GRM7: variants seen among roughly 807,000 people sequenced by gnomAD.
GRM7 encodes the protein metabotropic glutamate receptor 7.
Under a neutral mutation model 84.5 loss-of-function variants are expected in GRM7, and 35 were observed. The ratio of observed to expected loss-of-function variants is 0.41; its 90% CI spans 0.32 to 0.55. The LOEUF (loss-of-function observed/expected upper bound fraction) is 0.55, where lower values mean the gene tolerates loss of function less well. Ranked by LOEUF, GRM7 falls within the 20% of genes least tolerant of loss-of-function variation. The pLI is 0.19. For missense variants in GRM7, 1,003 were observed against 1,194.6 expected (o/e 0.84, Z 2.36); for synonymous variants, 487 against 455.1 (o/e 1.07, Z -0.89).
intron 2 of GRM7, among the ~76,000 whole-genome samples, chr3:7,223,314 C>G (rs922356947): frequency 9.2e-5 from 14 of 151,868 alleles, no homozygotes; most frequent in African/African-American, 3.1e-4. Context: ...CTTTTTCCCC[C>G]TGAATGCTGA....
chr3:7,240,359 A>T (rs1200939110), intron 2 of GRM7, among the ~76,000 whole-genome samples: 1 of 151,812 alleles, frequency 6.6e-6, no homozygotes, highest in Non-Finnish European at 1.5e-5. Context: ...TTTTTTAATC[A>T]GAAATCTCCT....
At chr3:7,111,788 A>T (rs1263991627) in intron 1 of GRM7, among the ~76,000 whole-genome samples, 1 of 152,154 alleles carries the variant, frequency 6.6e-6, no homozygotes, top group Non-Finnish European at 1.5e-5. Flanking sequence ...TTTTGGGAAA[A>T]AATCATTTCT....
chr3:7,261,342 T>C (rs1698414886), intron 2 of GRM7, among the ~76,000 whole-genome samples: 1 of 152,222 alleles, frequency 6.6e-6, no homozygotes, highest in Non-Finnish European at 1.5e-5. Context: ...AGTCTTGGTT[T>C]CTATTTTTAT....
intron 9 of GRM7, among the ~76,000 whole-genome samples, chr3:7,701,364 G>A (rs940016693): frequency 2.8e-5 from 4 of 140,768 alleles, no homozygotes; most frequent in South Asian, 2.3e-4. Flanking sequence ...GCAGTGGCAC[G>A]ATCTCGGCTC....
At chr3:7,626,475 T>A (rs1469892590) in intron 8 of GRM7, among the ~76,000 whole-genome samples, 1 of 152,168 alleles carries the variant, frequency 6.6e-6, no homozygotes, top group Non-Finnish European at 1.5e-5. Flanking sequence ...CAGAAATGTA[T>A]TTTCTCACAG....
intron 2 of GRM7, among the ~76,000 whole-genome samples, chr3:7,265,506 T>C: frequency 6.6e-6 from 1 of 152,186 alleles, no homozygotes; most frequent in Non-Finnish European, 1.5e-5. Context: ...GAGAGAGGAC[T>C]GTAAGTGATG....
At chr3:7,566,483 A>T (rs2125041359) in intron 7 of GRM7, among the ~76,000 whole-genome samples, 1 of 152,334 alleles carries the variant, frequency 6.6e-6, no homozygotes, top group East Asian at 1.9e-4. Flanking sequence ...TTTCAAATGT[A>T]TTTGATAATT....
intron 9 of GRM7, among the ~76,000 whole-genome samples, chr3:7,708,650 G>C (rs1426874698): frequency 1.3e-5 from 2 of 152,088 alleles, no homozygotes; most frequent in Non-Finnish European, 2.9e-5. Context: ...GAGTTTTCCA[G>C]GAAGAGGGAC....
At chr3:7,175,528 A>C (rs2125091890) in intron 2 of GRM7, among the ~76,000 whole-genome samples, 1 of 152,274 alleles carries the variant, frequency 6.6e-6, no homozygotes, top group East Asian at 1.9e-4. Context: ...AATCAACTTG[A>C]AAATTTGCTT....
chr3:7,401,195 C>T lies in GRM7; in HGVS notation c.1034-13828C>T, dbSNP rs183397393. 1.8e-3 allele frequency among the ~76,000 whole-genome samples: 275 copies of T among 152,108 alleles called. 1 individual carries two copies. Among genetic ancestry groups the T allele is most frequent in the South Asian group, 2.7e-3 (13 of 4,816 alleles). ...AAATGTATATGACGAAGAAGCAATC[C>T]CTGGTGACTAAAATGAGATTGCATT... On this transcript the variant is annotated intron_variant, in intron 4 of 9. Coordinates refer to ENST00000357716, the MANE Select transcript of GRM7 (RefSeq NM_000844.4).
At chr3:7,434,595 A>G (rs1161897822) in intron 5 of GRM7, among the ~76,000 whole-genome samples, 1 of 152,208 alleles carries the variant, frequency 6.6e-6, no homozygotes. Flanking sequence ...CACAAAGTAT[A>G]TTGATTCATT....
intron 2 of GRM7, among the ~76,000 whole-genome samples, chr3:7,152,622 C>T (rs957425636): frequency 6.6e-6 from 1 of 152,196 alleles, no homozygotes; most frequent in Admixed American, 6.5e-5. Context: ...GGACTACCAG[C>T]TAACTTCAAT....
intron 1 of GRM7, among the ~76,000 whole-genome samples, chr3:7,081,778 T>C (rs538151941): frequency 6.6e-6 from 1 of 152,248 alleles, no homozygotes; most frequent in Non-Finnish European, 1.5e-5. Flanking sequence ...TAAGTGAAAC[T>C]GCTTTATTGC....
intron 1 of GRM7, among the ~76,000 whole-genome samples, chr3:7,099,332 CAT>C (rs1263853922): frequency 1.0e-4 from 15 of 146,680 alleles, no homozygotes; most frequent in African/African-American, 3.8e-4. Context: ...TATATGTACA[CAT>C]GTATTATACA....
rs542815647 is a variant in GRM7 at position 6,976,577 on chromosome 3, A to T, written c.519+114670A>T. On this transcript the variant is annotated intron_variant, in intron 1 of 9. Transcript: ENST00000357716. ...TTATTTATTTTTTGTTTCTTTGAGC[A>T]CCAATTCTTAAAACAGCATTTGTGG... is the stretch of plus-strand genomic sequence containing the variant. 2.0e-5 allele frequency among the ~76,000 whole-genome samples: 3 copies of T among 152,288 alleles called. No individual in the cohort carries two copies. In the South Asian group the frequency reaches 6.2e-4, roughly 32 times the overall value.
At chr3:7,226,250 G>T (rs1237387243) in intron 2 of GRM7, among the ~76,000 whole-genome samples, 2 of 152,118 alleles carry the variant, frequency 1.3e-5, no homozygotes, top group African/African-American at 4.8e-5. Flanking sequence ...AGGCAAAACT[G>T]CAAGTTTGCT....
intron 9 of GRM7, among the ~76,000 whole-genome samples, chr3:7,739,247 C>T (rs1431355733): frequency 5.3e-5 from 8 of 152,110 alleles, no homozygotes. Context: ...GTACCTGTAA[C>T]GTACTACTTG....
chr3:7,148,704 C>G (rs952638858), intron 2 of GRM7, among the ~76,000 whole-genome samples: 1 of 152,132 alleles, frequency 6.6e-6, no homozygotes, highest in African/African-American at 2.4e-5. Flanking sequence ...AAAGGAGATG[C>G]TCTTATAATA....
chr3:7,082,804 A>G (rs576840223), intron 1 of GRM7, among the ~76,000 whole-genome samples: 13 of 152,266 alleles, frequency 8.5e-5, no homozygotes, highest in Admixed American at 2.6e-4. Context: ...CAAGACACCA[A>G]TGGAAAAAGT....
Sources: gnomAD v4.1 joint callset for allele counts (sites outside exome capture counted in the v4.1 genomes callset) on GRCh38, gnomAD v4.1.1 for gene constraint, MANE v1.5 for transcripts, NCBI Gene and HGNC (gene_info 2026-07-23, HGNC 2026-07-21) for gene names.